Variants in EIF4G3 observed in about 807,000 individuals in gnomAD.
The protein encoded by EIF4G3 is eukaryotic translation initiation factor 4 gamma 3, also known as eIF-4-gamma 3.
Under a neutral mutation model 186.4 loss-of-function variants are expected in EIF4G3, and 34 were observed. The observed-to-expected ratio is 0.18, with a 90% CI of 0.14 to 0.24. EIF4G3 has a LOEUF of 0.24. Among genes scored for constraint, EIF4G3 ranks in the 10% least tolerant of loss-of-function variants. The probability of loss-of-function intolerance (pLI) is 1.00; values close to 1 mark genes in which losing one functional copy is unlikely to be tolerated. For synonymous variants in EIF4G3, 673 were observed against 679.5 expected, an observed-to-expected ratio of 0.99 and a Z score of 0.15; for missense variants, 1,536 against 1,948.5, an observed-to-expected ratio of 0.79 and a Z score of 3.99.
intron 2 of EIF4G3, chr1:21,168,064 A>G: frequency 2.1e-6 from 1 of 470,600 alleles, no homozygotes; most frequent in Non-Finnish European, 4.4e-6. Flanking sequence ...CAAATAAACA[A>G]AAAGTTCACT....
intron 4 of EIF4G3, among the ~76,000 whole-genome samples, chr1:21,031,922 A>C (rs2092779177): frequency 6.6e-6 from 1 of 152,220 alleles, no homozygotes; most frequent in Admixed American, 6.5e-5. Context: ...CAAATAAATC[A>C]ATTTACATCT....
chr1:21,129,920 AG>A (rs1441490782), intron 2 of EIF4G3, among the ~76,000 whole-genome samples: 10 of 152,180 alleles, frequency 6.6e-5, no homozygotes, highest in African/African-American at 2.4e-4. Flanking sequence ...CACATCTATG[AG>A]GCCAGATACA....
chr1:20,848,658 T>C (rs1371829418), intron 29 of EIF4G3, among the ~76,000 whole-genome samples: 1 of 152,204 alleles, frequency 6.6e-6, no homozygotes, highest in Non-Finnish European at 1.5e-5. Flanking sequence ...CCTGGCACAT[T>C]GCTTGTTTCT....
intron 2 of EIF4G3, among the ~76,000 whole-genome samples, chr1:21,129,281 C>G (rs1254146887): frequency 6.6e-6 from 1 of 151,574 alleles, no homozygotes; most frequent in Non-Finnish European, 1.5e-5. Context: ...CACCACTGCA[C>G]TCCAGCCTGG....
intron 2 of EIF4G3, among the ~76,000 whole-genome samples, chr1:21,134,668 C>CA (rs374253518): frequency 4.0e-5 from 6 of 151,012 alleles, no homozygotes; most frequent in Non-Finnish European, 5.9e-5. Context: ...GACTCCATCT[C>CA]AAAAAAAACA....
intron 12 of EIF4G3, 142 bp from the exon 13 acceptor site, chr1:20,950,253 T>C: frequency 4.0e-6 from 2 of 498,250 alleles, no homozygotes; most frequent in Non-Finnish European, 6.9e-6. Flanking sequence ...AAATATATAG[T>C]CCAATTTAAT....
At chr1:20,891,296 T>C (rs1397485444) in intron 18 of EIF4G3, among the ~76,000 whole-genome samples, 1 of 152,042 alleles carries the variant, frequency 6.6e-6, no homozygotes, top group African/African-American at 2.4e-5. Flanking sequence ...ATTTTGTGAG[T>C]CACATATCAA....
chr1:21,135,449 C>T (rs557482050), intron 2 of EIF4G3, among the ~76,000 whole-genome samples: 10 of 152,074 alleles, frequency 6.6e-5, no homozygotes, highest in Admixed American at 2.0e-4. Flanking sequence ...TGCAATGAAC[C>T]GAGATCGTGG....
At chr1:20,860,268 A>G in intron 24 of EIF4G3, 117 bp downstream of exon 24, 1 of 1,388,134 alleles carries the variant, frequency 7.2e-7, no homozygotes, top group Non-Finnish European at 9.9e-7. Context: ...CCTAACAATC[A>G]CCACTCTATT....
intron 2 of EIF4G3, among the ~76,000 whole-genome samples, chr1:21,137,318 T>C (rs1428763121): frequency 2.0e-5 from 3 of 151,930 alleles, no homozygotes; most frequent in African/African-American, 4.8e-5. Flanking sequence ...TAATTAATTT[T>C]AAATTTTTGT....
intron 12 of EIF4G3, among the ~76,000 whole-genome samples, chr1:20,951,727 C>T (rs535834136): frequency 6.9e-6 from 1 of 144,208 alleles, no homozygotes; most frequent in South Asian, 2.2e-4. Flanking sequence ...CTCCAATTGC[C>T]TGGGAAATTA....
At chr1:21,082,412 C>T (rs2095818248) in intron 3 of EIF4G3, among the ~76,000 whole-genome samples, 1 of 151,948 alleles carries the variant, frequency 6.6e-6, no homozygotes, top group Non-Finnish European at 1.5e-5. Context: ...TGGCGAAACT[C>T]CTTCTCTACT....
chr1:21,120,349 G>A (rs2096904456), intron 2 of EIF4G3, among the ~76,000 whole-genome samples: 2 of 151,740 alleles, frequency 1.3e-5, no homozygotes, highest in Admixed American at 1.3e-4. Flanking sequence ...TCCATGTCCT[G>A]ATGTAAAAAA....
intron 15 of EIF4G3, among the ~76,000 whole-genome samples, chr1:20,903,848 A>G (rs2091247165): frequency 6.6e-6 from 1 of 152,196 alleles, no homozygotes; most frequent in East Asian, 1.9e-4. Context: ...ATCATGTTAA[A>G]CCTTGAGTAA....
intron 14 of EIF4G3, among the ~76,000 whole-genome samples, chr1:20,912,137 T>A (rs2093321482): frequency 6.6e-6 from 1 of 151,968 alleles, no homozygotes; most frequent in South Asian, 2.1e-4. Flanking sequence ...ATTAGCCAGG[T>A]ATAGTGTCAT....
intron 2 of EIF4G3, among the ~76,000 whole-genome samples, chr1:21,141,192 C>T (rs1333465190): frequency 6.6e-6 from 1 of 152,066 alleles, no homozygotes; most frequent in Non-Finnish European, 1.5e-5. Flanking sequence ...CAAGGTCATA[C>T]TACATAAACG....
In EIF4G3 at chr1:21,170,094, G is replaced by A. The variant is rs1413466408; in HGVS notation, c.-272+6081C>T. On this transcript the variant is annotated intron_variant, in intron 2 of 36. Coordinates refer to ENST00000602326, the MANE Select transcript of EIF4G3 (RefSeq NM_001391906.1). ...AGAGGCTGAGGCAGGAGAATCACTT[G>A]AATCCAGGAGGCGGAGGTTGAAGTG... is the stretch of plus-strand genomic sequence containing the variant. 2.0e-5 allele frequency among the ~76,000 whole-genome samples: 3 copies of A among 152,108 alleles called. No homozygotes were observed. In the East Asian group the frequency reaches 5.8e-4, roughly 29 times the overall value.
intron 11 of EIF4G3, among the ~76,000 whole-genome samples, chr1:20,971,137 G>C (rs1345100149): frequency 2.0e-5 from 3 of 152,208 alleles, no homozygotes; most frequent in Non-Finnish European, 4.4e-5. Flanking sequence ...AAGGAGGTAA[G>C]TGTCTGCGAC....
intron 22 of EIF4G3, among the ~76,000 whole-genome samples, chr1:20,863,378 T>TAAAAAAAAAAAAAAAAAAAAAA (rs3051243): frequency 4.1e-4 from 42 of 102,482 alleles, no homozygotes; most frequent in South Asian, 2.6e-3. Context: ...CTACAAAAAG[T>TAAAAAAAAAAAAAAAAAAAAAA]AAAAAAAAAA....
Sources: allele counts gnomAD v4.1 joint callset (sites outside exome capture counted in the v4.1 genomes callset), GRCh38; gene constraint gnomAD v4.1.1; transcripts MANE v1.5; gene names NCBI Gene and HGNC (gene_info 2026-07-23, HGNC 2026-07-21).